The following JCAD variants were observed in gnomAD, a reference collection of about 807,000 sequenced individuals.
JCAD encodes junctional cadherin 5 associated, also known as junctional cadherin 5-associated protein.
Under a neutral mutation model 98.0 loss-of-function variants are expected in JCAD, and 40 were observed. The observed-to-expected ratio is 0.41, with a 90% CI of 0.32 to 0.53. The LOEUF (loss-of-function observed/expected upper bound fraction) is 0.53. Among genes scored for constraint, JCAD ranks in the 20% least tolerant of loss-of-function variants. The probability of loss-of-function intolerance (pLI) is 0.31; values close to 1 mark genes in which losing one functional copy is unlikely to be tolerated. For synonymous variants in JCAD, 691 were observed against 682.3 expected, an observed-to-expected ratio of 1.01 and a Z score of -0.20; for missense variants, 1,705 against 1,738.1, an observed-to-expected ratio of 0.98 and a Z score of 0.34.
intron 1 of JCAD, among the ~76,000 whole-genome samples, chr10:30,095,959 G>A (rs907683665): frequency 1.3e-5 from 2 of 152,168 alleles, no homozygotes; most frequent in Non-Finnish European, 2.9e-5. Flanking sequence ...TTTCAGTAAG[G>A]CGGAACTTCT....
intron 2 of JCAD, among the ~76,000 whole-genome samples, chr10:30,036,790 C>G (rs1201474792): frequency 1.3e-5 from 2 of 152,234 alleles, no homozygotes; most frequent in African/African-American, 4.8e-5. Flanking sequence ...TCGCTGTGGT[C>G]ATTGGGGTGG....
intron 1 of JCAD, among the ~76,000 whole-genome samples, chr10:30,114,189 A>C (rs1838753548): frequency 6.6e-6 from 1 of 152,184 alleles, no homozygotes; most frequent in African/African-American, 2.4e-5. Flanking sequence ...CCTCACCCGT[A>C]ATCTGAAGCT....
At chr10:30,080,502 T>C (rs1838062405) in intron 1 of JCAD, among the ~76,000 whole-genome samples, 1 of 152,244 alleles carries the variant, frequency 6.6e-6, no homozygotes, top group South Asian at 2.1e-4. Flanking sequence ...TTAGATTTCC[T>C]ACACAGCCTA....
intron 2 of JCAD, among the ~76,000 whole-genome samples, chr10:30,040,857 C>A (rs1393805626): frequency 6.6e-6 from 1 of 152,110 alleles, no homozygotes; most frequent in Non-Finnish European, 1.5e-5. Flanking sequence ...CTCTTTTGGA[C>A]CCCCGTCTCA....
chr10:30,070,956 A>G (rs1267014259), intron 1 of JCAD, among the ~76,000 whole-genome samples: 1 of 152,206 alleles, frequency 6.6e-6, no homozygotes, highest in Non-Finnish European at 1.5e-5. Context: ...CTCAGGTTGA[A>G]GTGCAGTGGT....
intron 1 of JCAD, among the ~76,000 whole-genome samples, chr10:30,075,156 A>G (rs1294369449): frequency 6.6e-6 from 1 of 152,230 alleles, no homozygotes; most frequent in African/African-American, 2.4e-5. Flanking sequence ...AAATATACAT[A>G]GAATTCTAGG....
intron 1 of JCAD, among the ~76,000 whole-genome samples, chr10:30,049,913 A>C (rs1837433581): frequency 6.6e-6 from 1 of 152,172 alleles, no homozygotes; most frequent in African/African-American, 2.4e-5. Context: ...GAAGTGTTTG[A>C]GCTAGGTTTT....
chr10:30,037,115 G>A (rs1048962392), intron 2 of JCAD, among the ~76,000 whole-genome samples: 5 of 152,188 alleles, frequency 3.3e-5, no homozygotes, highest in Non-Finnish European at 5.9e-5. Context: ...TCTTTAGAGC[G>A]ACTCACATTC....
At chr10:30,051,635 T>C (rs939475603) in intron 1 of JCAD, among the ~76,000 whole-genome samples, 4 of 152,152 alleles carry the variant, frequency 2.6e-5, no homozygotes, top group East Asian at 1.9e-4. Flanking sequence ...TTGGACTTAA[T>C]TTGAATAGAC....
intron 1 of JCAD, among the ~76,000 whole-genome samples, chr10:30,054,037 G>C (rs1341082047): frequency 6.6e-6 from 1 of 152,186 alleles, no homozygotes. Flanking sequence ...ACCTCACCCT[G>C]AGCGACAATG....
intron 2 of JCAD, among the ~76,000 whole-genome samples, chr10:30,066,466 CT>C (rs762865291): frequency 6.6e-6 from 1 of 152,212 alleles, no homozygotes; most frequent in Non-Finnish European, 1.5e-5. Context: ...AAGCTTCCCC[CT>C]GCCTGCAGTT....
chr10:30,095,239 C>T (rs556344833), intron 1 of JCAD, among the ~76,000 whole-genome samples: 5 of 152,326 alleles, frequency 3.3e-5, no homozygotes, highest in African/African-American at 9.6e-5. Flanking sequence ...TCATGGCTCT[C>T]GTCTCTTAAC....
chr10:30,020,198 A>C (rs1836631423), intron 3 of JCAD, among the ~76,000 whole-genome samples: 2 of 151,748 alleles, frequency 1.3e-5, no homozygotes, highest in African/African-American at 4.8e-5. Flanking sequence ...GTGGTGGTAC[A>C]TGCCTGTAGT....
intron 2 of JCAD, among the ~76,000 whole-genome samples, chr10:30,032,719 G>C (rs566815264): frequency 6.6e-6 from 1 of 152,324 alleles, no homozygotes; most frequent in African/African-American, 2.4e-5. Flanking sequence ...ACCTGTGTGT[G>C]TGTGTGAGGA....
At chr10:30,042,429 A>G (rs1254884986) in intron 2 of JCAD, among the ~76,000 whole-genome samples, 3 of 151,976 alleles carry the variant, frequency 2.0e-5, no homozygotes, top group African/African-American at 4.8e-5. Context: ...CTGAAACTCA[A>G]TTTTTTCAAA....
chr10:30,074,643 G>A (rs1470350171), intron 1 of JCAD, among the ~76,000 whole-genome samples: 1 of 152,218 alleles, frequency 6.6e-6, no homozygotes. Context: ...AAAGGGTCTG[G>A]AAGACGTGGT....
At chr10:30,082,974 C>T (rs1309369191) in intron 1 of JCAD, among the ~76,000 whole-genome samples, 1 of 151,382 alleles carries the variant, frequency 6.6e-6, no homozygotes, top group Non-Finnish European at 1.5e-5. Flanking sequence ...GCAGAGGTTG[C>T]ATTGAGCCAA....
chr10:30,104,251 G>A (rs1838525716), intron 1 of JCAD, among the ~76,000 whole-genome samples: 1 of 152,132 alleles, frequency 6.6e-6, no homozygotes, highest in Non-Finnish European at 1.5e-5. Context: ...AAGGGAGTTT[G>A]GATTTGATTC....
chr10:30,022,740 C>T (rs1836690380), intron 3 of JCAD, among the ~76,000 whole-genome samples: 1 of 152,164 alleles, frequency 6.6e-6, no homozygotes, highest in Non-Finnish European at 1.5e-5. Flanking sequence ...TGACGGGCCA[C>T]ATAGATGACA....
Sources: gnomAD v4.1 joint callset for allele counts (sites outside exome capture counted in the v4.1 genomes callset) on GRCh38, gnomAD v4.1.1 for gene constraint, MANE v1.5 for transcripts, NCBI Gene and HGNC (gene_info 2026-07-23, HGNC 2026-07-21) for gene names.